The following GSE1 variants were observed in gnomAD, a reference collection of about 807,000 sequenced individuals.
GSE1 encodes genetic suppressor element 1.
Under a neutral mutation model 112.6 loss-of-function variants are expected in GSE1, and 32 were observed. That is an observed-to-expected ratio of 0.28 (90% CI 0.21 to 0.38). GSE1 has a LOEUF of 0.38. Ranked by LOEUF, GSE1 falls within the 10% of genes least tolerant of loss-of-function variation. The pLI is 1.00. For missense variants in GSE1, 2,348 were observed against 1,699.2 expected (o/e 1.38, Z -6.71); for synonymous variants, 1,115 against 735.6 (o/e 1.52, Z -8.35).
At chr16:85,515,786 A>G (rs1002507738) in intron 2 of GSE1, among the ~76,000 whole-genome samples, 5 of 152,202 alleles carry the variant, frequency 3.3e-5, no homozygotes. Context: ...GGCCCCCAGC[A>G]CATGTGGACA....
At chr16:85,589,849 TGA>T (rs910503368) in intron 1 of GSE1, among the ~76,000 whole-genome samples, 1 of 151,810 alleles carries the variant, frequency 6.6e-6, no homozygotes, top group African/African-American at 2.4e-5. Flanking sequence ...TGAACATGTG[TGA>T]GATATTGTGA....
chr16:85,294,215 C>G (rs764094960), intron 1 of GSE1, among the ~76,000 whole-genome samples: 1 of 152,166 alleles, frequency 6.6e-6, no homozygotes, highest in Non-Finnish European at 1.5e-5. Context: ...GCAGCCCACT[C>G]TTGAAAACCT....
chr16:85,177,760 C>T (rs1267417300), intron 1 of GSE1, among the ~76,000 whole-genome samples: 6 of 152,086 alleles, frequency 3.9e-5, no homozygotes, highest in East Asian at 1.9e-4. Context: ...TATATGATGC[C>T]GGGACCCCAA....
intron 2 of GSE1, among the ~76,000 whole-genome samples, chr16:85,521,184 G>T (rs951703001): frequency 1.3e-5 from 2 of 152,226 alleles, no homozygotes; most frequent in African/African-American, 4.8e-5. Flanking sequence ...GCTGATACTT[G>T]ATGTGGTCCC....
At chr16:85,283,234 T>A (rs1323802089) in intron 1 of GSE1, 2 of 152,910 alleles carry the variant, frequency 1.3e-5, no homozygotes, top group Non-Finnish European at 2.9e-5. Context: ...CCTGCCCTCT[T>A]CTCCGCTGCC....
At chr16:85,367,228 G>A (rs1029311039) in intron 2 of GSE1, among the ~76,000 whole-genome samples, 8 of 152,214 alleles carry the variant, frequency 5.3e-5, no homozygotes, top group Non-Finnish European at 1.2e-4. Context: ...CAGACACCAC[G>A]GGAGAGCTGG....
chr16:85,623,215 C>CTTTTT (rs34549947), intron 1 of GSE1, among the ~76,000 whole-genome samples: 1 of 139,954 alleles, frequency 7.1e-6, no homozygotes, highest in Non-Finnish European at 1.6e-5. Context: ...TTGTCCACTC[C>CTTTTT]TTTTTTTTTT....
chr16:85,436,871 G>T (rs1167314036), intron 2 of GSE1, among the ~76,000 whole-genome samples: 1 of 152,194 alleles, frequency 6.6e-6, no homozygotes, highest in East Asian at 1.9e-4. Context: ...CCCATCCCAC[G>T]CAGTGGGCGG....
intron 2 of GSE1, among the ~76,000 whole-genome samples, chr16:85,376,081 G>T (rs1343654133): frequency 6.6e-6 from 1 of 151,986 alleles, no homozygotes; most frequent in Non-Finnish European, 1.5e-5. Context: ...CTGAGCAACT[G>T]CCCCCAACCC....
intron 1 of GSE1, among the ~76,000 whole-genome samples, chr16:85,313,252 C>G (rs1287605259): frequency 3.3e-5 from 5 of 152,142 alleles, no homozygotes; most frequent in Admixed American, 3.3e-4. Context: ...CCGAGAGGCT[C>G]CTGGTGAGAC....
chr16:85,627,042 GCCTTTT>G (rs2049130548), intron 1 of GSE1, among the ~76,000 whole-genome samples: 1 of 25,068 alleles, frequency 4.0e-5, no homozygotes, highest in Non-Finnish European at 7.2e-5. Context: ...TTTTCTTCTT[GCCTTTT>G]TTTTTTTTTT....
intron 1 of GSE1, among the ~76,000 whole-genome samples, chr16:85,259,991 C>T (rs1283084644): frequency 2.0e-5 from 3 of 152,230 alleles, no homozygotes; most frequent in African/African-American, 7.2e-5. Context: ...GGAGGCCTAC[C>T]GCAAGGCTCA....
At chr16:85,265,562 C>T (rs1356998171) in intron 1 of GSE1, among the ~76,000 whole-genome samples, 1 of 152,162 alleles carries the variant, frequency 6.6e-6, no homozygotes, top group Non-Finnish European at 1.5e-5. Context: ...TGGTCAAACT[C>T]CTCATCTCGG....
At chr16:85,566,256 A>G (rs1325150340) in intron 1 of GSE1, among the ~76,000 whole-genome samples, 1 of 152,196 alleles carries the variant, frequency 6.6e-6, no homozygotes, top group African/African-American at 2.4e-5. Flanking sequence ...GACCTGGCCA[A>G]GTCACTCCTG....
intron 1 of GSE1, among the ~76,000 whole-genome samples, chr16:85,225,287 C>A (rs1327164378): frequency 6.6e-6 from 1 of 152,262 alleles, no homozygotes; most frequent in Non-Finnish European, 1.5e-5. Flanking sequence ...GTGGTTGGGG[C>A]CCTCTCTGCA....
At chr16:85,195,098 G>A (rs1347572343) in intron 1 of GSE1, among the ~76,000 whole-genome samples, 8 of 152,178 alleles carry the variant, frequency 5.3e-5, no homozygotes, top group Non-Finnish European at 1.0e-4. Context: ...CTCTGCCTAC[G>A]TGTGAGGGGA....
chr16:85,233,373 G>T (rs1374393247), intron 1 of GSE1, among the ~76,000 whole-genome samples: 1 of 152,252 alleles, frequency 6.6e-6, no homozygotes, highest in African/African-American at 2.4e-5. Flanking sequence ...CTGAGTTGGA[G>T]CCAGGCTGGA....
At chr16:85,490,942 G>A (rs1341114068) in intron 2 of GSE1, 2 of 152,196 alleles carry the variant, frequency 1.3e-5, no homozygotes, top group Non-Finnish European at 1.5e-5. Context: ...CAAGTCTGCT[G>A]GATGGGGGCA....
At chr16:85,556,367 A>G in intron 1 of GSE1, 1 of 984,310 alleles carries the variant, frequency 1.0e-6, no homozygotes, top group Non-Finnish European at 1.2e-6. Flanking sequence ...TTACCAGGTA[A>G]GCGAGCCGTG....
Sources: allele counts gnomAD v4.1 joint callset (sites outside exome capture counted in the v4.1 genomes callset), GRCh38; gene constraint gnomAD v4.1.1; transcripts MANE v1.5; gene names NCBI Gene and HGNC (gene_info 2026-07-23, HGNC 2026-07-21).